Variants in ERC2 observed in about 807,000 individuals in gnomAD.
ERC2 encodes ERC protein 2.
A neutral mutation model predicts 114.8 loss-of-function variants in ERC2; 42 were observed. That is an observed-to-expected ratio of 0.37 (90% confidence interval 0.29 to 0.47). The LOEUF (loss-of-function observed/expected upper bound fraction) is 0.47, where lower values mean the gene tolerates loss of function less well. Ranked by LOEUF, ERC2 falls within the 20% of genes least tolerant of loss-of-function variation. The pLI is 0.99. For missense variants in ERC2, 939 were observed against 1,150.7 expected (o/e 0.82, Z 2.66); for synonymous variants, 454 against 425.5 (o/e 1.07, Z -0.82).
intron 14 of ERC2, among the ~76,000 whole-genome samples, chr3:55,767,043 G>A (rs191741356): frequency 6.6e-6 from 1 of 152,318 alleles, no homozygotes; most frequent in East Asian, 1.9e-4. Context: ...TGCTTACTGT[G>A]TGCCAGGTCC....
At chr3:55,537,965 G>GAC (rs1434668938) in intron 17 of ERC2, among the ~76,000 whole-genome samples, 6 of 152,162 alleles carry the variant, frequency 3.9e-5, no homozygotes, top group Admixed American at 3.3e-4. Flanking sequence ...CCCTCCAATT[G>GAC]TCTCTCTGGT....
chr3:56,173,698 CG>C (rs1307778564), intron 3 of ERC2, 178 bp from the exon 4 acceptor site: 3 of 557,052 alleles, frequency 5.4e-6, no homozygotes, highest in Non-Finnish European at 9.4e-6. Flanking sequence ...GCCTGCGTTC[CG>C]GTGAAAAGCT....
intron 17 of ERC2, among the ~76,000 whole-genome samples, chr3:55,552,232 C>T (rs1479123618): frequency 6.6e-6 from 1 of 152,148 alleles, no homozygotes; most frequent in East Asian, 1.9e-4. Flanking sequence ...CTCTATGCCC[C>T]AGCCACGTCT....
intron 13 of ERC2, among the ~76,000 whole-genome samples, chr3:55,931,608 G>A (rs887343164): frequency 6.6e-6 from 1 of 152,102 alleles, no homozygotes; most frequent in Admixed American, 6.6e-5. Context: ...GTCGGGGTGT[G>A]GGGGGCTAGG....
chr3:56,435,917 T>C (rs1283915169), intron 1 of ERC2, among the ~76,000 whole-genome samples: 2 of 152,236 alleles, frequency 1.3e-5, no homozygotes, highest in Admixed American at 6.5e-5. Context: ...TTGAGAATTA[T>C]TTCCCATTTT....
At chr3:56,207,343 AT>A (rs1451089792) in intron 3 of ERC2, among the ~76,000 whole-genome samples, 1 of 152,152 alleles carries the variant, frequency 6.6e-6, no homozygotes, top group African/African-American at 2.4e-5. Flanking sequence ...CCCACACATT[AT>A]AGAGCTATTA....
In ERC2 at chr3:55,768,823, G is replaced by A. The variant is rs145798983; in HGVS notation, c.2565-33905C>T. On this transcript the variant is annotated intron_variant, in intron 14 of 17. Transcript: ENST00000288221. ...CAGCAGGTTACACACCCTAGTTGGG[G>A]GTTGGGTTTTACTTTAGTTTTATGT... Among the ~76,000 whole-genome samples the A allele has an allele frequency of 7.9e-5, 12 of 152,264 alleles. No individual in the cohort carries two copies. In the East Asian group the frequency reaches 2.3e-3, roughly 29 times the overall value.
At chr3:56,227,018 CA>C (rs1248439350) in intron 3 of ERC2, among the ~76,000 whole-genome samples, 2 of 152,166 alleles carry the variant, frequency 1.3e-5, no homozygotes, top group African/African-American at 4.8e-5. Context: ...ACCTCCACCT[CA>C]GTGTGCTCTG....
At chr3:56,104,772 G>A (rs2078555957) in intron 6 of ERC2, among the ~76,000 whole-genome samples, 1 of 152,106 alleles carries the variant, frequency 6.6e-6, no homozygotes, top group Non-Finnish European at 1.5e-5. Flanking sequence ...GGTACCTGCT[G>A]TGTCCCAGGC....
chr3:55,861,537 C>A (rs1438759542), intron 14 of ERC2, among the ~76,000 whole-genome samples: 1 of 152,192 alleles, frequency 6.6e-6, no homozygotes, highest in Non-Finnish European at 1.5e-5. Context: ...CCTTTAACAG[C>A]CCATGATATA....
At chr3:56,058,554 G>C (rs1046719084) in intron 7 of ERC2, among the ~76,000 whole-genome samples, 6 of 152,182 alleles carry the variant, frequency 3.9e-5, no homozygotes, top group African/African-American at 1.2e-4. Context: ...GTTTCTATGA[G>C]AGTGTTTTTG....
intron 6 of ERC2, among the ~76,000 whole-genome samples, chr3:56,131,545 T>C (rs1406909992): frequency 6.6e-6 from 1 of 152,158 alleles, no homozygotes; most frequent in Non-Finnish European, 1.5e-5. Flanking sequence ...CAAAAAGCTA[T>C]CTCAGAAAGG....
intron 3 of ERC2, among the ~76,000 whole-genome samples, chr3:56,285,540 A>G (rs758236679): frequency 7.2e-5 from 11 of 152,078 alleles, no homozygotes; most frequent in Admixed American, 2.0e-4. Context: ...CCCCAATACT[A>G]AAAATGCTCA....
intron 2 of ERC2, among the ~76,000 whole-genome samples, chr3:56,405,887 CTTTTTTTTTT>C (rs72095902): frequency 4.7e-5 from 4 of 85,170 alleles, no homozygotes; most frequent in Admixed American, 3.2e-4. Flanking sequence ...ACTTTTTTTT[CTTTTTTTTTT>C]TTTTTTTTTT....
intron 14 of ERC2, among the ~76,000 whole-genome samples, chr3:55,747,600 A>T (rs1196772269): frequency 2.0e-5 from 3 of 152,272 alleles, no homozygotes; most frequent in Non-Finnish European, 4.4e-5. Flanking sequence ...CGCCACTATG[A>T]AAACACACTA....
intron 15 of ERC2, among the ~76,000 whole-genome samples, chr3:55,716,541 T>C (rs2064130671): frequency 6.6e-6 from 1 of 152,212 alleles, no homozygotes; most frequent in Non-Finnish European, 1.5e-5. Context: ...TCTCCAATTA[T>C]GTGCAAAAGG....
At chr3:55,946,166 A>C (rs2067116179) in intron 13 of ERC2, among the ~76,000 whole-genome samples, 2 of 152,118 alleles carry the variant, frequency 1.3e-5, no homozygotes, top group African/African-American at 2.4e-5. Context: ...CTTGTTGAAA[A>C]ACCTCCATGT....
intron 17 of ERC2, chr3:55,612,748 G>T (rs558837694): frequency 5.4e-4 from 82 of 152,140 alleles, no homozygotes; most frequent in Admixed American, 1.5e-3. Context: ...TAAGTGTAAA[G>T]TTCAACGATT....
At chr3:55,983,715 T>C (rs1484404860) in intron 12 of ERC2, among the ~76,000 whole-genome samples, 3 of 152,138 alleles carry the variant, frequency 2.0e-5, no homozygotes, top group Admixed American at 6.5e-5. Context: ...GGGCAAACCA[T>C]AAACTATGGT....
Sources: allele counts gnomAD v4.1 joint callset (sites outside exome capture counted in the v4.1 genomes callset), GRCh38; gene constraint gnomAD v4.1.1; transcripts MANE v1.5; gene names NCBI Gene and HGNC (gene_info 2026-07-23, HGNC 2026-07-21).